The following TBC1D8B variants were observed in gnomAD, a reference collection of about 807,000 sequenced individuals.
TBC1D8B encodes the protein RP11-321G1.1.
A neutral mutation model predicts 82.9 loss-of-function variants in TBC1D8B; 75 were observed. That is an observed-to-expected ratio of 0.90 (90% confidence interval 0.75 to 1.10). TBC1D8B has a LOEUF of 1.10. TBC1D8B is among the 50% of genes least tolerant of loss of function. TBC1D8B has a pLI of 0.00. For missense variants in TBC1D8B, 794 were observed against 796.9 expected (o/e 1.00, Z 0.04); for synonymous variants, 276 against 276.8 (o/e 1.00, Z 0.03).
chrX:106,834,082 C>A (rs1932110717), intron 7 of TBC1D8B, among the ~76,000 whole-genome samples: 1 of 111,053 alleles, frequency 9.0e-6, no homozygotes, highest in Admixed American at 9.6e-5. Context: ...TTTGAATACT[C>A]CTTAACTTTC....
rs750737247 is a variant in TBC1D8B, at chrX:106,835,098, C to T, written c.1204-4210C>T. Among the ~76,000 whole-genome samples, 7 of 112,394 alleles carry T rather than the reference C, an allele frequency of 6.2e-5. No individual in the cohort carries two copies. The South Asian group carries it at 2.2e-3, about 35-fold the overall frequency. ...TTCCATACTGCTCTAGCAGAGGTTCCCCCATGAGGACTCCACCCCTGCAGC... is the reference window on the plus strand; with the variant it reads ...TTCCATACTGCTCTAGCAGAGGTTCTCCCATGAGGACTCCACCCCTGCAGC... On this transcript the variant is annotated intron_variant, in intron 7 of 20. Transcript: ENST00000357242.
chrX:106,839,681 T>C (rs1404305711), intron 8 of TBC1D8B, among the ~76,000 whole-genome samples: 2 of 111,958 alleles, frequency 1.8e-5, no homozygotes, highest in Non-Finnish European at 3.8e-5. Flanking sequence ...TTTTTACAGA[T>C]ACATAATAGT....
chrX:106,850,006 T>A lies in TBC1D8B; in HGVS notation c.1838-19T>A. The A allele has an allele frequency of 8.7e-7, 1 of 1,155,539 alleles. No individual in the cohort carries two copies. Among genetic ancestry groups the A allele is most frequent in the Non-Finnish European group, 1.1e-6 (1 of 871,382 alleles). On this transcript the variant is annotated intron_variant, in intron 11 of 20. Coordinates refer to ENST00000357242, the MANE Select transcript of TBC1D8B (RefSeq NM_017752.3). ...TTTTGAAAAATGTTTATTTTTAAAC[T>A]TCTTTTGATATTCTGTAGGTGCCTT...
chrX:106,830,513 T>C (rs1258772421), intron 7 of TBC1D8B, among the ~76,000 whole-genome samples: 2 of 110,631 alleles, frequency 1.8e-5, no homozygotes, highest in African/African-American at 6.6e-5. Flanking sequence ...TACTGCGGCA[T>C]TATTCACAAT....
intron 8 of TBC1D8B, 140 bp from the exon 9 acceptor site, chrX:106,839,908 C>T: frequency 1.9e-6 from 1 of 539,810 alleles, no homozygotes; most frequent in Non-Finnish European, 2.9e-6. Context: ...AGTGTTTCAC[C>T]CCTGGGTGAA....
intron 19 of TBC1D8B, 69 bp downstream of exon 19, chrX:106,869,610 G>A: frequency 2.2e-6 from 2 of 900,617 alleles, no homozygotes; most frequent in Non-Finnish European, 3.1e-6. Context: ...TAGCTACAAA[G>A]GGGGAAAAGG....
At chrX:106,809,903 AAGAC>A (rs1318984617) in intron 1 of TBC1D8B, among the ~76,000 whole-genome samples, 1 of 110,100 alleles carries the variant, frequency 9.1e-6, no homozygotes, top group Non-Finnish European at 1.9e-5. Context: ...AAAAAAAAAA[AAGAC>A]AGAAATAGTT....
At position 106,873,715 on chromosome X, in the gene TBC1D8B, C is replaced by T; in HGVS notation, c.3113C>T (p.Ser1038Leu). The T allele has an allele frequency of 1.7e-6, 2 of 1,211,807 alleles. No homozygotes were observed. Among genetic ancestry groups the T allele is most frequent in the East Asian group, 3.0e-5 (1 of 33,841 alleles). The change falls in exon 21 of 21, where the codon TCA becomes TTA. Residue 1038 changes from serine (S) to leucine (L), a missense_variant. Ser to Leu is a moderately radical substitution (Grantham distance 145). Transcript: ENST00000357242. ...EVGRKLHSPT[S>L]SAKGFSGTVC... The stretch of plus-strand genomic sequence containing the variant: ...GGAAGGAAACTACATAGCCCTACAT[C>T]ATCAGCCAAAGGATTCTCTGGTACT...
chrX:106,828,970 G>A (rs981849705), intron 7 of TBC1D8B: 1 of 107,431 alleles, frequency 9.3e-6, no homozygotes, highest in African/African-American at 3.6e-5. Flanking sequence ...AGGAAATAAA[G>A]AGTATTCAAT....
intron 1 of TBC1D8B, among the ~76,000 whole-genome samples, chrX:106,817,742 A>G (rs984976817): frequency 4.5e-5 from 5 of 111,434 alleles, no homozygotes; most frequent in African/African-American, 1.6e-4. Context: ...GAGAAAATGG[A>G]AAGTATTATT....
chrX:106,862,681 A>G (rs1932783626), intron 14 of TBC1D8B, among the ~76,000 whole-genome samples: 2 of 100,689 alleles, frequency 2.0e-5, no homozygotes, highest in Admixed American at 2.2e-4. Flanking sequence ...TGGTTTTTTG[A>G]GTTGCCAGAG....
At chrX:106,857,106 C>A (rs1168959098) in intron 14 of TBC1D8B, among the ~76,000 whole-genome samples, 1 of 111,214 alleles carries the variant, frequency 9.0e-6, no homozygotes, top group African/African-American at 3.3e-5. Context: ...TAAGTAGGAT[C>A]TTCAGAGAAT....
At chrX:106,865,723 A>G (rs2147772653) in intron 15 of TBC1D8B, 70 bp from the exon 16 acceptor site, 2 of 1,101,302 alleles carry the variant, frequency 1.8e-6, no homozygotes, top group East Asian at 6.2e-5. Context: ...TTTAGCAGAC[A>G]TGGTTTTTAA....
intron 20 of TBC1D8B, among the ~76,000 whole-genome samples, chrX:106,871,340 A>C (rs1444595780): frequency 1.8e-5 from 2 of 111,888 alleles, no homozygotes; most frequent in Non-Finnish European, 3.8e-5. Flanking sequence ...GAAAACTATC[A>C]AATAACTTCA....
At position 106,822,021 on chromosome X, in the gene TBC1D8B, T is replaced by A. The variant is rs1217357568; in HGVS notation, c.405T>A (p.Asp135Glu). The change falls in exon 4 of 21, where the codon GAT (aspartate) becomes GAA (glutamate). Residue 135 changes from aspartate to glutamate, a missense_variant. Asp to Glu is a conservative substitution (Grantham distance 45). Transcript: ENST00000357242. Reference sequence around the variant, plus strand: ...GAAAACATTGTTTTGCAAAAGAAGATGATCCTGAGAAATTTCGAGAAGCCC... The same window carrying A: ...GAAAACATTGTTTTGCAAAAGAAGAAGATCCTGAGAAATTTCGAGAAGCCC... Reference protein sequence around the residue: ...EEGKHCFAKEDDPEKFREALL... With the variant: ...EEGKHCFAKEEDPEKFREALL... The A allele has an allele frequency of 1.7e-6, 2 of 1,209,293 alleles. No individual in the cohort carries two copies. The highest frequency in any genetic ancestry group is 1.1e-6 in the Non-Finnish European group (1 of 894,681).
At chrX:106,865,426 TTTA>T (rs1932807537) in intron 14 of TBC1D8B, 130 bp from the exon 15 acceptor site, 2 of 336,794 alleles carry the variant, frequency 5.9e-6, no homozygotes, top group South Asian at 2.6e-4. Flanking sequence ...ATAATAACTT[TTTA>T]TTATTCATTT....
chrX:106,823,563 A>G (rs1185573198), intron 5 of TBC1D8B, 97 bp downstream of exon 5: 29 of 974,364 alleles, frequency 3.0e-5, no homozygotes, highest in Non-Finnish European at 3.7e-5. Flanking sequence ...TCTATATTAT[A>G]TGATAGGGTT....
intron 7 of TBC1D8B, among the ~76,000 whole-genome samples, chrX:106,835,417 C>G (rs1192882494): frequency 8.9e-6 from 1 of 112,163 alleles, no homozygotes; most frequent in Non-Finnish European, 1.9e-5. Flanking sequence ...CCATTTTTCC[C>G]TCCTAGGCTT....
rs189179741 is a variant in TBC1D8B at position 106,876,038 on chromosome X, G to A, written c.*2073G>A. ...TTGTTCATAATATTAAAAATCTTAC[G>A]TAGTTGTGTTAAACTGAACCAGTTC... On this transcript the variant is annotated 3_prime_UTR_variant, in exon 21 of 21. Transcript: ENST00000357242. 4.5e-5 allele frequency: 5 copies of A among 111,298 alleles called. No homozygotes were observed. The highest frequency in any genetic ancestry group is 1.6e-4 in the African/African-American group (5 of 30,661). The allele number at this position is 111,298 out of a possible 1,213,427, so 9.2% of individuals were successfully genotyped here. A position where few individuals can be genotyped will look rare whatever the true frequency, so the allele number is the denominator to read the frequency against.
Sources: gnomAD v4.1 joint callset for allele counts (sites outside exome capture counted in the v4.1 genomes callset) on GRCh38, gnomAD v4.1.1 for gene constraint, MANE v1.5 for transcripts, NCBI Gene and HGNC (gene_info 2026-07-23, HGNC 2026-07-21) for gene names.